The following KCNK12 variants were observed in gnomAD, a reference collection of about 807,000 sequenced individuals.
KCNK12 encodes the protein potassium two pore domain channel subfamily K member 12.
Under a neutral mutation model 25.3 loss-of-function variants are expected in KCNK12, and 6 were observed. That is an observed-to-expected ratio of 0.24 (90% CI 0.13 to 0.47). The LOEUF (loss-of-function observed/expected upper bound fraction) is 0.47, where lower values mean the gene tolerates loss of function less well. Among genes scored for constraint, KCNK12 ranks in the 20% least tolerant of loss-of-function variants. KCNK12 has a pLI of 0.99. For missense variants in KCNK12, 444 were observed against 661.7 expected (o/e 0.67, Z 3.61); for synonymous variants, 331 against 311.1 (o/e 1.06, Z -0.67).
Position 47,540,851 on chromosome 2 carries a change from T to C in KCNK12, c.392-19043A>G, listed in dbSNP as rs1245923390. Among the ~76,000 whole-genome samples the C allele has an allele frequency of 6.6e-6, 1 of 152,224 alleles. No individual in the cohort carries two copies. The highest frequency in any genetic ancestry group is 1.5e-5 in the Non-Finnish European group (1 of 68,040). On this transcript the variant is annotated intron_variant, in intron 1 of 1. Transcript: ENST00000327876. The surrounding 1 kb of genome is among the most constrained non-coding windows in gnomAD (Gnocchi z 5.4). Reference sequence around the variant, plus strand: ...CTGTAGTTCCAGCTACTCAGGAGGCTGAGGCAGGATTGTTTGAGCCCAGGA... The same window carrying C: ...CTGTAGTTCCAGCTACTCAGGAGGCCGAGGCAGGATTGTTTGAGCCCAGGA...
chr2:47,534,432 GC>G (rs11406660), intron 1 of KCNK12, among the ~76,000 whole-genome samples: 1 of 117,316 alleles, frequency 8.5e-6, no homozygotes, highest in Non-Finnish European at 1.7e-5. Context: ...CCGTCTCCAG[GC>G]CCCCCCCACC....
In KCNK12 at chr2:47,516,160, A is replaced by G. The variant is rs1422827817; in HGVS notation, c.*4747T>C. On this transcript the variant is annotated 3_prime_UTR_variant, in exon 2 of 2. Transcript: ENST00000327876. The stretch of plus-strand genomic sequence containing the variant: ...AAGTGGACGCTCTTTCTACACCACC[A>G]TAATGTGAGTGTTCTGTGTTTACAG... 6.6e-6 allele frequency among the ~76,000 whole-genome samples: 1 copy of G among 152,176 alleles called. No homozygotes were observed. The highest frequency in any genetic ancestry group is 6.5e-5 in the Admixed American group (1 of 15,290).
rs767684213 is a variant in KCNK12, at chr2:47,569,855, G to A, written c.391+86C>T. ...CATTAGAAGGGAAGGCAGAGCCGAG[G>A]GACGCGGACCGAGCGGCCGAGCAGT... On this transcript the variant is annotated intron_variant, in intron 1 of 1. Transcript: ENST00000327876. The surrounding 1 kb of genome is among the most constrained non-coding windows in gnomAD (Gnocchi z 4.1). 4.4e-5 allele frequency: 49 copies of A among 1,116,252 alleles called. No individual in the cohort carries two copies. Among genetic ancestry groups the A allele is most frequent in the Non-Finnish European group, 5.6e-5 (48 of 861,862 alleles). 69.1% of individuals were successfully genotyped at this position (1,116,252 alleles called of 1,614,324 possible). A position where few individuals can be genotyped will look rare whatever the true frequency, so the allele number is the denominator to read the frequency against.
At chr2:47,549,026 G>A (rs954979158) in intron 1 of KCNK12, among the ~76,000 whole-genome samples, 2 of 152,184 alleles carry the variant, frequency 1.3e-5, no homozygotes. Flanking sequence ...ATAACAATCT[G>A]TGCAGGTACA....
At chr2:47,553,366 A>G (rs1309483280) in intron 1 of KCNK12, among the ~76,000 whole-genome samples, 3 of 152,212 alleles carry the variant, frequency 2.0e-5, no homozygotes, top group Non-Finnish European at 4.4e-5. Flanking sequence ...CATATTCCTC[A>G]GTGATTTATC....
intron 1 of KCNK12, among the ~76,000 whole-genome samples, chr2:47,539,468 G>T (rs17036653): frequency 0.19 from 28,671 of 152,056 alleles, 3,247 homozygotes; most frequent in African/African-American, 0.31. Context: ...GATCAAACAG[G>T]TGGGGTGGCC....
chr2:47,544,425 C>G (rs1267177753), intron 1 of KCNK12, among the ~76,000 whole-genome samples: 2 of 152,246 alleles, frequency 1.3e-5, no homozygotes, highest in African/African-American at 4.8e-5. Context: ...TTTGGGAAGA[C>G]CTTTCTCTTT....
rs1006517707 is a variant in KCNK12 at position 47,557,296 on chromosome 2, A to G, written c.391+12645T>C. On this transcript the variant is annotated intron_variant, in intron 1 of 1. Coordinates refer to ENST00000327876, the MANE Select transcript of KCNK12 (RefSeq NM_022055.2). The surrounding 1 kb of genome is among the most constrained non-coding windows in gnomAD (Gnocchi z 4.9). ...GCGGGAGTGGGCTCCTGATAAAAGG[A>G]TGAGTTTGGGCTGATTCTGTCCTGC... Among the ~76,000 whole-genome samples the G allele has an allele frequency of 2.0e-5, 3 of 152,122 alleles. No individual in the cohort carries two copies. Among genetic ancestry groups the G allele is most frequent in the African/African-American group, 7.2e-5 (3 of 41,432 alleles).
intron 1 of KCNK12, among the ~76,000 whole-genome samples, chr2:47,550,675 A>G (rs1185243132): frequency 1.3e-5 from 2 of 152,080 alleles, no homozygotes; most frequent in Non-Finnish European, 2.9e-5. Flanking sequence ...GAGCCACCAC[A>G]CCTGGCCACA....
intron 1 of KCNK12, among the ~76,000 whole-genome samples, chr2:47,534,520 C>T (rs1051879043): frequency 8.1e-6 from 1 of 122,740 alleles, no homozygotes; most frequent in Non-Finnish European, 1.7e-5. Context: ...TTCTAACCCC[C>T]CCCCCCGCCC....
rs1668482178 is a variant in KCNK12 at position 47,514,704 on chromosome 2, G to A, written c.*6203C>T. 1.3e-5 allele frequency among the ~76,000 whole-genome samples: 2 copies of A among 151,160 alleles called. No homozygotes were observed. On this transcript the variant is annotated 3_prime_UTR_variant, in exon 2 of 2. Transcript: ENST00000327876. This position sits in a 1 kb window ranked among gnomAD's most constrained non-coding sequence, Gnocchi z 5.0. ...TGGCTCAATGAAACATCGACTTCCT[G>A]GGCTCAGGCGATCCTCCCACCTCAG...
intron 1 of KCNK12, chr2:47,563,472 G>T (rs1863334): frequency 0.67 from 156,713 of 232,954 alleles, 54,159 homozygotes; most frequent in African/African-American, 0.86. Context: ...GGATGAGAGC[G>T]CAAGCTCTCA....
Position 47,570,358 on chromosome 2 carries a change from G to A in KCNK12, c.-27C>T. On this transcript the variant is annotated 5_prime_UTR_variant, in exon 1 of 2. Coordinates refer to ENST00000327876, the MANE Select transcript of KCNK12 (RefSeq NM_022055.2). ...GTCCGGAGCTCAGCCCCGGGGCCGG[G>A]GCGGCGCTCGGGGCCCGGGCCACGA... The A allele has an allele frequency of 8.2e-7, 1 of 1,223,276 alleles. No homozygotes were observed. The highest frequency in any genetic ancestry group is 1.0e-6 in the Non-Finnish European group (1 of 983,670). The allele number at this position is 1,223,276 out of a possible 1,614,324, so 75.8% of individuals were successfully genotyped here.
intron 1 of KCNK12, among the ~76,000 whole-genome samples, chr2:47,546,214 A>G (rs1376038761): frequency 1.3e-5 from 2 of 152,236 alleles, no homozygotes; most frequent in African/African-American, 2.4e-5. Context: ...TTGGTCACCA[A>G]TTGTTGTTTG....
intron 1 of KCNK12, among the ~76,000 whole-genome samples, chr2:47,568,112 T>C (rs961182734): frequency 2.0e-5 from 3 of 152,122 alleles, no homozygotes; most frequent in Admixed American, 1.3e-4. Context: ...CCCTTTAGCC[T>C]GTGGGTTCCA....
chr2:47,521,175 C>T lies in KCNK12; in HGVS notation c.1025G>A (p.Arg342His). 7.6e-7 allele frequency: 1 copy of T among 1,307,806 alleles called. No individual in the cohort carries two copies. Among genetic ancestry groups the T allele is most frequent in the Non-Finnish European group, 9.7e-7 (1 of 1,032,012 alleles). The allele number at this position is 1,307,806 out of a possible 1,614,324, so 81.0% of individuals were successfully genotyped here. A position where few individuals can be genotyped will look rare whatever the true frequency, so the allele number is the denominator to read the frequency against. Reference sequence around the variant, plus strand: ...GGCACCGAGCGCGGCCAGGCGGCGGCGCAGCCGGGAGCCTGGGGTGATGGC... The same window carrying T: ...GGCACCGAGCGCGGCCAGGCGGCGGTGCAGCCGGGAGCCTGGGGTGATGGC... The part of the protein sequence containing the change: ...RNAITPGSRL[R>H]RRLAALGADP... The change falls in exon 2 of 2, where the codon CGC (arginine) becomes CAC (histidine). Residue 342 changes from arginine to histidine, a missense_variant. Physicochemically the swap from Arg to His is conservative, Grantham distance 29. This residue lies in a region of KCNK12 where 69 missense variants were observed against 81.7 expected (regional missense o/e 0.84). Coordinates refer to ENST00000327876, the MANE Select transcript of KCNK12 (RefSeq NM_022055.2).
At position 47,566,866 on chromosome 2, in the gene KCNK12, G is replaced by A. The variant is rs1669796414; in HGVS notation, c.391+3075C>T. On this transcript the variant is annotated intron_variant, in intron 1 of 1. Transcript: ENST00000327876. The surrounding 1 kb of genome is among the most constrained non-coding windows in gnomAD (Gnocchi z 4.1). ...TCATTAACTGTGTGACCACTGACAAGTCCCCTAACCCTGTGCCACATGAGA... is the reference window on the plus strand; with the variant it reads ...TCATTAACTGTGTGACCACTGACAAATCCCCTAACCCTGTGCCACATGAGA... 6.6e-6 allele frequency: 1 copy of A among 152,166 alleles called. No homozygotes were observed. The highest frequency in any genetic ancestry group is 1.5e-5 in the Non-Finnish European group (1 of 68,034). The allele number at this position is 152,166 out of a possible 1,614,324, so 9.4% of individuals were successfully genotyped here. A position where few individuals can be genotyped will look rare whatever the true frequency, so the allele number is the denominator to read the frequency against.
rs569440570 is a variant in KCNK12 at position 47,540,430 on chromosome 2, A to G, written c.392-18622T>C. Among the ~76,000 whole-genome samples the G allele has an allele frequency of 6.6e-6, 1 of 152,288 alleles. No individual in the cohort carries two copies. The highest frequency in any genetic ancestry group is 6.5e-5 in the Admixed American group (1 of 15,298). On this transcript the variant is annotated intron_variant, in intron 1 of 1. Transcript: ENST00000327876. This position sits in a 1 kb window ranked among gnomAD's most constrained non-coding sequence, Gnocchi z 5.4. ...TAACCGCAGCAGTAAAGACCCCTCAAATGCCATCTCTAAATTAAAATGGGT... is the reference window on the plus strand; with the variant it reads ...TAACCGCAGCAGTAAAGACCCCTCAGATGCCATCTCTAAATTAAAATGGGT...
intron 1 of KCNK12, among the ~76,000 whole-genome samples, chr2:47,536,136 G>T (rs34814802): frequency 0.11 from 16,771 of 152,144 alleles, 1,182 homozygotes; most frequent in Non-Finnish European, 0.16. Context: ...GCACAGCTCT[G>T]CCCAGATCAC....
Sources: gnomAD v4.1 joint callset for allele counts (sites outside exome capture counted in the v4.1 genomes callset) on GRCh38, gnomAD v4.1.1 for gene constraint, gnomAD v4.1.1 regional missense constraint, Gnocchi (gnomAD v3.1) non-coding constraint, MANE v1.5 for transcripts, NCBI Gene and HGNC (gene_info 2026-07-23, HGNC 2026-07-21) for gene names.